The following LVRN variants were observed in gnomAD, a reference collection of about 807,000 sequenced individuals.
LVRN encodes the protein aminopeptidase Q.
LVRN carries 99 observed loss-of-function variants against 111.4 expected under a neutral mutation model. The observed-to-expected ratio is 0.89, with a 90% CI of 0.76 to 1.05. LVRN has a LOEUF of 1.05. Among genes scored for constraint, LVRN ranks in the 50% least tolerant of loss-of-function variants. The probability of loss-of-function intolerance (pLI) is 0.00; values close to 1 mark genes in which losing one functional copy is unlikely to be tolerated. For missense variants in LVRN, 1,414 were observed against 1,206.8 expected, an observed-to-expected ratio of 1.17 and a Z score of -2.54; for synonymous variants, 488 against 449.5, an observed-to-expected ratio of 1.09 and a Z score of -1.08.
Position 116,026,037 on chromosome 5 carries a change from C to G in LVRN, c.2892C>G (p.Asn964Lys). Residue 964 changes from asparagine to lysine, a missense_variant, in exon 20 of 20, where the codon AAC becomes AAG. Physicochemically the swap from Asn to Lys is moderately conservative, Grantham distance 94. Coordinates refer to ENST00000357872, the MANE Select transcript of LVRN (RefSeq NM_173800.5). ...EEHQRIRVHA[N>K]LQTIKNENLK... ...ACCAGAGGATCAGAGTTCATGCCAACTTACAGACAATAAAGAATGAAAATC... is the reference window on the plus strand; with the variant it reads ...ACCAGAGGATCAGAGTTCATGCCAAGTTACAGACAATAAAGAATGAAAATC... 1 of 1,613,876 alleles carries G rather than the reference C, an allele frequency of 6.2e-7. No individual in the cohort carries two copies. The highest frequency in any genetic ancestry group is 8.5e-7 in the Non-Finnish European group (1 of 1,179,878).
At chr5:115,999,257 G>C (rs1290740419) in intron 6 of LVRN, among the ~76,000 whole-genome samples, 9 of 152,090 alleles carry the variant, frequency 5.9e-5, no homozygotes, top group Non-Finnish European at 1.3e-4. Flanking sequence ...TTATCTTAAT[G>C]CATGAGCCAT....
At chr5:116,021,941 A>G (rs1748739527) in intron 18 of LVRN, among the ~76,000 whole-genome samples, 1 of 152,324 alleles carries the variant, frequency 6.6e-6, no homozygotes, top group South Asian at 2.1e-4. Flanking sequence ...GAAGATATTA[A>G]TCTTCTCTCC....
chr5:116,004,636 A>G (rs1748317088), intron 12 of LVRN, among the ~76,000 whole-genome samples: 1 of 152,082 alleles, frequency 6.6e-6, no homozygotes, highest in South Asian at 2.1e-4. Flanking sequence ...ACCCCCAAAA[A>G]ACTCCCTTCA....
intron 1 of LVRN, chr5:115,974,469 T>C (rs1450440662): frequency 6.6e-6 from 1 of 152,272 alleles, no homozygotes; most frequent in Non-Finnish European, 1.5e-5. Flanking sequence ...GTTATTAAAG[T>C]TTTACGTCTG....
chr5:116,001,473 C>G (rs568075856), intron 10 of LVRN, among the ~76,000 whole-genome samples: 3 of 152,192 alleles, frequency 2.0e-5, no homozygotes. Flanking sequence ...ATCAGCGACC[C>G]AAGCTGTGGG....
chr5:116,007,740 G>T (rs1748406657), intron 13 of LVRN, among the ~76,000 whole-genome samples: 1 of 152,162 alleles, frequency 6.6e-6, no homozygotes, highest in African/African-American at 2.4e-5. Context: ...GAAGATTTGT[G>T]ATAACTCTGA....
At chr5:116,011,657 G>C (rs1042087221) in intron 14 of LVRN, among the ~76,000 whole-genome samples, 1 of 152,130 alleles carries the variant, frequency 6.6e-6, no homozygotes, top group Non-Finnish European at 1.5e-5. Flanking sequence ...CCTAGTGGCC[G>C]AAGTACCAAT....
At position 116,014,615 on chromosome 5, in the gene LVRN, T is replaced by A. The variant is rs142924721; in HGVS notation, c.2450+88T>A. ...TTGATGTACTCACTGTGGGAATGAG[T>A]GTTTTGCTTTCACTTGGTTAGGCGC... On this transcript the variant is annotated intron_variant, in intron 16 of 19. Transcript: ENST00000357872. The A allele has an allele frequency of 6.0e-4, 647 of 1,072,860 alleles. 2 individuals carry two copies. In the East Asian group the frequency reaches 9.3e-3, roughly 15 times the overall value. 66.5% of individuals were successfully genotyped at this position (1,072,860 alleles called of 1,614,324 possible).
chr5:116,010,812 T>A lies in LVRN; in HGVS notation c.2165T>A (p.Val722Glu), dbSNP rs1485089811. The change falls in exon 14 of 20, where the codon GTA becomes GAA. Residue 722 changes from valine (V) to glutamate (E), a missense_variant. By Grantham distance (121) the Val-to-Glu change is moderately radical (BLOSUM62 -2). Transcript: ENST00000357872. ...CTTGCTGAAGAAGATGAAATTATAG[T>A]ATGGCATACAGTCTTGGTAAACTTG... ...KYLAEEDEII[V>E]WHTVLVNLVT... The A allele has an allele frequency of 6.2e-7, 1 of 1,612,666 alleles. No individual in the cohort carries two copies. The highest frequency in any genetic ancestry group is 1.7e-5 in the Admixed American group (1 of 59,866).
At position 115,992,416 on chromosome 5, in the gene LVRN, A is replaced by G. The variant is rs150681522; in HGVS notation, c.1260+139A>G. 931 of 966,274 alleles carry G rather than the reference A, an allele frequency of 9.6e-4. 1 individual carries two copies. Among genetic ancestry groups the G allele is most frequent in the Non-Finnish European group, 1.3e-3 (825 of 653,354 alleles). 59.9% of individuals were successfully genotyped at this position (966,274 alleles called of 1,614,324 possible). A position where few individuals can be genotyped will look rare whatever the true frequency, so the allele number is the denominator to read the frequency against. On this transcript the variant is annotated intron_variant, in intron 5 of 19. Coordinates refer to ENST00000357872, the MANE Select transcript of LVRN (RefSeq NM_173800.5). ...AACATCTCAAAGTATGACAGTGAGTAAAAATGGGGAAGACTCAGATTCAGG... is the reference window on the plus strand; with the variant it reads ...AACATCTCAAAGTATGACAGTGAGTGAAAATGGGGAAGACTCAGATTCAGG...
chr5:116,017,468 G>A (rs1748626300), intron 18 of LVRN, among the ~76,000 whole-genome samples: 2 of 152,186 alleles, frequency 1.3e-5, no homozygotes, highest in Non-Finnish European at 1.5e-5. Flanking sequence ...AACTAGAGCA[G>A]TGTAGCAAAG....
intron 13 of LVRN, 83 bp downstream of exon 13, chr5:116,006,050 A>T (rs1748367799): frequency 8.5e-7 from 1 of 1,180,660 alleles, no homozygotes; most frequent in Non-Finnish European, 1.2e-6. Flanking sequence ...TATGAATTTG[A>T]TTATTTAGTC....
intron 13 of LVRN, among the ~76,000 whole-genome samples, chr5:116,007,254 A>T (rs1371675070): frequency 6.6e-6 from 1 of 152,080 alleles, no homozygotes; most frequent in African/African-American, 2.4e-5. Flanking sequence ...GTACCTTTCC[A>T]CCTAATCTAA....
At chr5:116,010,464 C>T (rs769703733) in intron 13 of LVRN, 30 of 487,280 alleles carry the variant, frequency 6.2e-5, no homozygotes, top group Non-Finnish European at 1.1e-4. Context: ...GAATGCATAA[C>T]TCTTCTATTT....
At chr5:115,972,818 C>T (rs1004424246) in intron 1 of LVRN, among the ~76,000 whole-genome samples, 1 of 152,032 alleles carries the variant, frequency 6.6e-6, no homozygotes, top group Non-Finnish European at 1.5e-5. Flanking sequence ...GAATGGATGT[C>T]ATATTTTATC....
rs1561563371 is a variant in LVRN at position 115,999,904 on chromosome 5, T to C, written c.1515+2T>C. 6.2e-7 allele frequency: 1 copy of C among 1,600,990 alleles called. No individual in the cohort carries two copies. The stretch of plus-strand genomic sequence containing the variant: ...TTTGACATATTTACTTACAGCAAGG[T>C]AAAAGCAGTTAGAAATTTCCTTTGG... On this transcript the variant is annotated splice_donor_variant, in intron 7 of 19. Transcript: ENST00000357872. LOFTEE classifies it high-confidence loss of function.
In LVRN at chr5:115,999,827, A is replaced by C. The variant is rs763680302; in HGVS notation, c.1440A>C (p.Arg480Ser). ...ILREDHALVT[R>S]AVAMKVENFK... is the part of the protein sequence containing the mutation. Reference sequence around the variant, plus strand: ...GAGAAGATCACGCCCTGGTGACTAGAGCTGTGGCCATGAAGGTGGAAAATT... The same window carrying C: ...GAGAAGATCACGCCCTGGTGACTAGCGCTGTGGCCATGAAGGTGGAAAATT... The change falls in exon 7 of 20, where the codon AGA becomes AGC. Residue 480 changes from arginine (R) to serine (S), a missense_variant. Transcript: ENST00000357872. 3 of 1,613,474 alleles carry C rather than the reference A, an allele frequency of 1.9e-6. No individual in the cohort carries two copies. Among genetic ancestry groups the C allele is most frequent in the African/African-American group, 2.7e-5 (2 of 75,008 alleles).
Position 115,986,604 on chromosome 5 carries a change from C to T in LVRN, c.979-1209C>T, listed in dbSNP as rs147078640. Among the ~76,000 whole-genome samples the T allele has an allele frequency of 3.9e-5, 6 of 152,198 alleles. No individual in the cohort carries two copies. In the East Asian group the frequency reaches 1.2e-3, roughly 29 times the overall value. ...CTCAGCTTTACAAAGTTAATGGGTC[C>T]ATTATATACTCTGCAGAGGAACAAA... is the stretch of plus-strand genomic sequence containing the variant. On this transcript the variant is annotated intron_variant, in intron 3 of 19. Coordinates refer to ENST00000357872, the MANE Select transcript of LVRN (RefSeq NM_173800.5).
At chr5:115,969,564 G>A (rs1407187275) in intron 1 of LVRN, among the ~76,000 whole-genome samples, 1 of 151,922 alleles carries the variant, frequency 6.6e-6, no homozygotes, top group African/African-American at 2.4e-5. Context: ...TTGGGAGGCC[G>A]AGGCAGGTGG....
Sources: allele counts gnomAD v4.1 joint callset (sites outside exome capture counted in the v4.1 genomes callset), GRCh38; gene constraint gnomAD v4.1.1; transcripts MANE v1.5; gene names NCBI Gene and HGNC (gene_info 2026-07-23, HGNC 2026-07-21).